PRKAA2: variants seen among roughly 807,000 people sequenced by gnomAD.
PRKAA2 encodes protein kinase AMP-activated catalytic subunit alpha 2.
A neutral mutation model predicts 56.3 loss-of-function variants in PRKAA2; 40 were observed. The ratio of observed to expected loss-of-function variants is 0.71; its 90% CI spans 0.55 to 0.92. The LOEUF is 0.92. Among genes scored for constraint, PRKAA2 ranks in the 40% least tolerant of loss-of-function variants. The probability of loss-of-function intolerance (pLI) is 0.00; values close to 1 mark genes in which losing one functional copy is unlikely to be tolerated. For missense variants in PRKAA2, 542 were observed against 686.9 expected, an observed-to-expected ratio of 0.79 and a Z score of 2.36; for synonymous variants, 214 against 234.2, an observed-to-expected ratio of 0.91 and a Z score of 0.79.
rs111486121 is a variant in PRKAA2 at position 56,689,460 on chromosome 1, G to A, written c.237-1934G>A. On this transcript the variant is annotated intron_variant, in intron 2 of 8. Coordinates refer to ENST00000371244, the MANE Select transcript of PRKAA2 (RefSeq NM_006252.4). ...TGGCCAGGCTTGGTGGCTCATGCCT[G>A]TAATCCCAGCATTTTGGGAGGCCAA... Among the ~76,000 whole-genome samples, 691 of 152,264 alleles carry A rather than the reference G, an allele frequency of 4.5e-3. 6 individuals carry two copies. The highest frequency in any genetic ancestry group is 0.016 in the African/African-American group (661 of 41,552).
Position 56,711,359 on chromosome 1 carries a change from T to C in PRKAA2, c.*3646T>C, listed in dbSNP as rs1358713930. On this transcript the variant is annotated 3_prime_UTR_variant, in exon 9 of 9. Transcript: ENST00000371244. ...GATCTGTTTGGATTTATCTGTAGCATTGAATAATGTGCAGTGTACTGAGTT... is the reference window on the plus strand; with the variant it reads ...GATCTGTTTGGATTTATCTGTAGCACTGAATAATGTGCAGTGTACTGAGTT... The C allele has an allele frequency of 6.6e-6, 1 of 152,102 alleles. No individual in the cohort carries two copies. The highest frequency in any genetic ancestry group is 1.5e-5 in the Non-Finnish European group (1 of 67,986). The allele number at this position is 152,102 out of a possible 1,614,324, so 9.4% of individuals were successfully genotyped here.
At chr1:56,670,745 C>A (rs537673261) in intron 1 of PRKAA2, among the ~76,000 whole-genome samples, 55 of 152,212 alleles carry the variant, frequency 3.6e-4, no homozygotes, top group African/African-American at 1.3e-3. Flanking sequence ...CTAATTGCTC[C>A]TGTCAAAGTA....
intron 1 of PRKAA2, among the ~76,000 whole-genome samples, chr1:56,650,413 T>G (rs10889003): frequency 4.6e-5 from 7 of 151,442 alleles, no homozygotes; most frequent in African/African-American, 7.3e-5. Context: ...ATTGACTGTT[T>G]AGGCTCTCAC....
At chr1:56,670,018 G>A (rs1644063865) in intron 1 of PRKAA2, among the ~76,000 whole-genome samples, 1 of 152,174 alleles carries the variant, frequency 6.6e-6, no homozygotes, top group Admixed American at 6.6e-5. Flanking sequence ...TAGCTTTAGA[G>A]AGTGTTTTGT....
chr1:56,664,990 A>G lies in PRKAA2; in HGVS notation c.95-9391A>G, dbSNP rs79363262. The stretch of plus-strand genomic sequence containing the variant: ...TTACCTGTTTTCTATTGATATCATA[A>G]CTACCTTTCCTCAATTGCTTTATCT... On this transcript the variant is annotated intron_variant, in intron 1 of 8. Coordinates refer to ENST00000371244, the MANE Select transcript of PRKAA2 (RefSeq NM_006252.4). Among the ~76,000 whole-genome samples the G allele has an allele frequency of 6.0e-3, 916 of 151,714 alleles. 6 individuals carry two copies. Among genetic ancestry groups the G allele is most frequent in the African/African-American group, 0.021 (873 of 41,364 alleles).
chr1:56,656,158 G>T lies in PRKAA2; in HGVS notation c.94+10677G>T, dbSNP rs573452787. ...AGCAGATTAGATTCCATTGAAGAGA[G>T]GATTAGTGAATTAGATGATGGGTCA... On this transcript the variant is annotated intron_variant, in intron 1 of 8. Coordinates refer to ENST00000371244, the MANE Select transcript of PRKAA2 (RefSeq NM_006252.4). Among the ~76,000 whole-genome samples the T allele has an allele frequency of 2.0e-5, 3 of 152,246 alleles. No individual in the cohort carries two copies. The East Asian group carries it at 5.8e-4, about 29-fold the overall frequency.
At chr1:56,682,146 A>T (rs915411598) in intron 2 of PRKAA2, among the ~76,000 whole-genome samples, 4 of 152,134 alleles carry the variant, frequency 2.6e-5, no homozygotes, top group Admixed American at 2.6e-4. Flanking sequence ...TTGAGCACCT[A>T]CTATGGGTTG....
intron 2 of PRKAA2, among the ~76,000 whole-genome samples, chr1:56,686,939 C>T (rs1644195271): frequency 6.8e-6 from 1 of 147,550 alleles, no homozygotes; most frequent in Non-Finnish European, 1.5e-5. Context: ...GGCTGGAGTG[C>T]AATGGCGTGA....
intron 2 of PRKAA2, among the ~76,000 whole-genome samples, chr1:56,678,253 G>A (rs1380347941): frequency 1.3e-5 from 2 of 152,206 alleles, no homozygotes; most frequent in Admixed American, 6.5e-5. Flanking sequence ...AAACACTCAT[G>A]TATTTTTGCT....
chr1:56,663,238 A>C (rs895858965), intron 1 of PRKAA2, among the ~76,000 whole-genome samples: 1 of 152,156 alleles, frequency 6.6e-6, no homozygotes, highest in East Asian at 1.9e-4. Flanking sequence ...GGCCTGTGCC[A>C]CCACACTTGG....
chr1:56,683,067 A>T (rs1430746996), intron 2 of PRKAA2, among the ~76,000 whole-genome samples: 2 of 134,238 alleles, frequency 1.5e-5, no homozygotes, highest in African/African-American at 2.8e-5. Context: ...GGAGAAAGAA[A>T]GGAATTTTTT....
intron 2 of PRKAA2, among the ~76,000 whole-genome samples, chr1:56,690,164 CTTTT>C (rs35151388): frequency 7.1e-6 from 1 of 141,238 alleles, no homozygotes; most frequent in Non-Finnish European, 1.6e-5. Flanking sequence ...ATCATCACAT[CTTTT>C]TTTTTTTTTT....
intron 1 of PRKAA2, among the ~76,000 whole-genome samples, chr1:56,647,246 G>GTAT (rs1646650532): frequency 6.6e-6 from 1 of 152,204 alleles, no homozygotes. Flanking sequence ...TTGTCATTTA[G>GTAT]TATTATTATT....
At chr1:56,659,737 A>G (rs1643978844) in intron 1 of PRKAA2, among the ~76,000 whole-genome samples, 1 of 151,928 alleles carries the variant, frequency 6.6e-6, no homozygotes, top group Admixed American at 6.6e-5. Flanking sequence ...GCGAAACCCC[A>G]TCTCAACAAG....
At chr1:56,676,300 T>C (rs1404006183) in intron 2 of PRKAA2, among the ~76,000 whole-genome samples, 1 of 151,982 alleles carries the variant, frequency 6.6e-6, no homozygotes, top group Non-Finnish European at 1.5e-5. Flanking sequence ...TTCTTAAAAG[T>C]AGAGGAGAAG....
chr1:56,652,074 G>A (rs1389243205), intron 1 of PRKAA2, among the ~76,000 whole-genome samples: 7 of 147,956 alleles, frequency 4.7e-5, no homozygotes, highest in Admixed American at 6.9e-5. Flanking sequence ...GTGCAGTGGC[G>A]CGATCTCGGC....
chr1:56,705,591 G>C (rs983684753), intron 7 of PRKAA2, among the ~76,000 whole-genome samples: 1 of 152,034 alleles, frequency 6.6e-6, no homozygotes, highest in Non-Finnish European at 1.5e-5. Flanking sequence ...GTAGAGATGG[G>C]GTTTCACCAT....
At chr1:56,649,825 C>T (rs571967028) in intron 1 of PRKAA2, among the ~76,000 whole-genome samples, 21 of 151,984 alleles carry the variant, frequency 1.4e-4, no homozygotes, top group African/African-American at 3.4e-4. Context: ...CCAGGCACGG[C>T]GGCTCACGCC....
chr1:56,662,230 A>T (rs2796527), intron 1 of PRKAA2, among the ~76,000 whole-genome samples: 3 of 151,782 alleles, frequency 2.0e-5, no homozygotes, highest in Admixed American at 6.6e-5. Context: ...AAAGATTTAT[A>T]AGAACTTGAA....
Sources: gnomAD v4.1 joint callset for allele counts (sites outside exome capture counted in the v4.1 genomes callset) on GRCh38, gnomAD v4.1.1 for gene constraint, MANE v1.5 for transcripts, NCBI Gene and HGNC (gene_info 2026-07-23, HGNC 2026-07-21) for gene names.